TASP1: variants seen among roughly 807,000 people sequenced by gnomAD.
TASP1 encodes taspase 1.
A neutral mutation model predicts 56.6 loss-of-function variants in TASP1; 16 were observed. The ratio of observed to expected loss-of-function variants is 0.28; its 90% CI spans 0.19 to 0.43. TASP1 has a LOEUF of 0.43. Among genes scored for constraint, TASP1 ranks in the 20% least tolerant of loss-of-function variants. The pLI is 1.00. For synonymous variants in TASP1, 179 were observed against 184.2 expected, an observed-to-expected ratio of 0.97 and a Z score of 0.23; for missense variants, 393 against 511.6, an observed-to-expected ratio of 0.77 and a Z score of 2.24.
chr20:13,352,056 T>C, the TASP1 span, among the ~76,000 whole-genome samples: 1 of 152,226 alleles, frequency 6.6e-6, no homozygotes, highest in African/African-American at 2.4e-5. Flanking sequence ...ATTTCTATAT[T>C]GTGTTCCAGA....
At chr20:13,393,401 GGACCT>G in intron 13 of TASP1, 1 of 749,872 alleles carries the variant, frequency 1.3e-6, no homozygotes, top group East Asian at 2.7e-5. Flanking sequence ...TGTCAGTTAT[GGACCT>G]GACCTACCGT....
the TASP1 span, among the ~76,000 whole-genome samples, chr20:13,374,497 C>G: frequency 6.6e-6 from 1 of 151,846 alleles, no homozygotes; most frequent in Non-Finnish European, 1.5e-5. Flanking sequence ...TACAGGCGCC[C>G]GCCACCGCGC....
intron 4 of TASP1, among the ~76,000 whole-genome samples, chr20:13,620,536 G>C (rs1284871187): frequency 6.6e-6 from 1 of 152,118 alleles, no homozygotes; most frequent in East Asian, 1.9e-4. Flanking sequence ...AATATAACGG[G>C]CAAGTTTTTA....
intron 10 of TASP1, among the ~76,000 whole-genome samples, chr20:13,503,285 A>G (rs571216761): frequency 2.0e-5 from 3 of 152,232 alleles, no homozygotes; most frequent in African/African-American, 2.4e-5. Flanking sequence ...CAACTCCCCA[A>G]GCATGACCCC....
At chr20:13,263,255 G>C in the TASP1 span, among the ~76,000 whole-genome samples, 2 of 152,142 alleles carry the variant, frequency 1.3e-5, no homozygotes, top group African/African-American at 4.8e-5. Flanking sequence ...CTTGTCATCT[G>C]TGTCTTCACA....
At chr20:13,446,156 G>C (rs1475862104) in intron 11 of TASP1, among the ~76,000 whole-genome samples, 3 of 152,102 alleles carry the variant, frequency 2.0e-5, no homozygotes, top group Non-Finnish European at 4.4e-5. Context: ...TCCTCTCTGA[G>C]AAAGCTAAAA....
At chr20:13,179,987 T>C in the TASP1 span, among the ~76,000 whole-genome samples, 47 of 152,288 alleles carry the variant, frequency 3.1e-4, no homozygotes, top group Admixed American at 5.2e-4. Context: ...GGCCATTCTG[T>C]ATTCAGAATA....
the TASP1 span, among the ~76,000 whole-genome samples, chr20:13,200,599 T>G: frequency 4.6e-5 from 7 of 152,372 alleles, no homozygotes; most frequent in African/African-American, 1.7e-4. Context: ...ATGGTTTATT[T>G]TCTCATAAAT....
chr20:13,350,711 CAG>C, the TASP1 span, among the ~76,000 whole-genome samples: 4 of 151,778 alleles, frequency 2.6e-5, no homozygotes, highest in Admixed American at 6.6e-5. Flanking sequence ...TTTTTAGAGA[CAG>C]AGTCTCACTC....
At chr20:13,293,157 G>A in the TASP1 span, among the ~76,000 whole-genome samples, 5 of 145,910 alleles carry the variant, frequency 3.4e-5, no homozygotes, top group East Asian at 6.0e-4. Flanking sequence ...CTGAGATCGC[G>A]CCACTGCACT....
chr20:13,531,774 T>C (rs543095631), intron 9 of TASP1, among the ~76,000 whole-genome samples: 1 of 152,132 alleles, frequency 6.6e-6, no homozygotes, highest in Non-Finnish European at 1.5e-5. Context: ...AGCGATTCTC[T>C]TGCCTTATCC....
intron 1 of TASP1, among the ~76,000 whole-genome samples, chr20:13,631,591 C>A (rs2049088207): frequency 6.6e-6 from 1 of 152,164 alleles, no homozygotes; most frequent in Non-Finnish European, 1.5e-5. Context: ...ATGAAATGAG[C>A]TTGGGACCAT....
chr20:13,144,525 C>A, the TASP1 span, among the ~76,000 whole-genome samples: 1 of 152,170 alleles, frequency 6.6e-6, no homozygotes, highest in Non-Finnish European at 1.5e-5. Flanking sequence ...TAGAACCTAA[C>A]GCACAAATCT....
intron 4 of TASP1, among the ~76,000 whole-genome samples, chr20:13,603,451 A>C (rs2048034023): frequency 2.0e-5 from 3 of 152,026 alleles, no homozygotes; most frequent in Admixed American, 1.3e-4. Context: ...CTGAGGTGGG[A>C]GGATCGATTG....
At chr20:13,541,206 A>G (rs1186258390) in intron 8 of TASP1, among the ~76,000 whole-genome samples, 1 of 152,180 alleles carries the variant, frequency 6.6e-6, no homozygotes, top group Non-Finnish European at 1.5e-5. Context: ...AGAAAAAGGG[A>G]AAAAGCCAGA....
At chr20:13,387,183 C>CTTTT (rs1568732036), downstream of TASP1, among the ~76,000 whole-genome samples, 27 of 94,950 alleles carry the variant, frequency 2.8e-4, no homozygotes, top group African/African-American at 8.6e-4. Context: ...GACATGATTT[C>CTTTT]ATTTTTTTTT....
At chr20:13,623,375 A>G (rs1326112193) in intron 4 of TASP1, 71 bp downstream of exon 4, 3 of 1,345,800 alleles carry the variant, frequency 2.2e-6, no homozygotes, top group Non-Finnish European at 2.1e-6. Flanking sequence ...CTAACTCAAC[A>G]ATTTCATGTC....
intron 6 of TASP1, among the ~76,000 whole-genome samples, chr20:13,577,044 T>C (rs1393553872): frequency 6.6e-6 from 1 of 152,134 alleles, no homozygotes; most frequent in Non-Finnish European, 1.5e-5. Flanking sequence ...GTATTGTATA[T>C]GCTGTAATAA....
At chr20:13,446,353 C>T (rs6109889) in intron 11 of TASP1, among the ~76,000 whole-genome samples, 1 of 152,126 alleles carries the variant, frequency 6.6e-6, no homozygotes, top group East Asian at 1.9e-4. Flanking sequence ...GTTGGTATTC[C>T]GCTGATTGTT....
Sources: gnomAD v4.1 joint callset for allele counts (sites outside exome capture counted in the v4.1 genomes callset) on GRCh38, gnomAD v4.1.1 for gene constraint, MANE v1.5 for transcripts, NCBI Gene and HGNC (gene_info 2026-07-23, HGNC 2026-07-21) for gene names.